Variants in SMIM22 observed in about 807,000 individuals in gnomAD.
SMIM22 encodes small integral membrane protein 22.
In SMIM22, 16 loss-of-function variants were observed where a neutral mutation model predicts 8.4. The ratio of observed to expected loss-of-function variants is 1.90; its 90% CI spans 1.29 to 2.89. The LOEUF (loss-of-function observed/expected upper bound fraction) is 2.89. SMIM22 is among the 30% of genes most tolerant of loss of function. The pLI, the probability that SMIM22 is intolerant of heterozygous loss-of-function variation, is 0.00. For missense variants in SMIM22, 159 were observed against 107.5 expected (o/e 1.48, Z -2.12); for synonymous variants, 67 against 47.6 (o/e 1.41, Z -1.68).
chr16:4,788,542 C>T (rs1275158644), exon 1 of SMIM22: 1 of 152,178 alleles, frequency 6.6e-6, no homozygotes, highest in Non-Finnish European at 1.5e-5. Flanking sequence ...CAGCTGGGCT[C>T]CCACCTCCAA....
At position 4,789,474 on chromosome 16, in the gene SMIM22, T is replaced by C. The variant is rs541817239; in HGVS notation, c.-146+703T>C. On this transcript the variant is annotated intron_variant, in intron 2 of 5. Transcript: ENST00000589327. ...CCGAGTAGCTGGGACTACAGGCGCC[T>C]GCCACCACGCCCGGCTAATTTTTTC... Among the ~76,000 whole-genome samples the C allele has an allele frequency of 9.9e-5, 15 of 152,108 alleles. No individual in the cohort carries two copies. In the South Asian group the frequency reaches 2.3e-3, roughly 23 times the overall value.
Position 4,796,321 on chromosome 16 carries a change from G to A in SMIM22, c.*90G>A. 3.4e-6 allele frequency: 5 copies of A among 1,467,464 alleles called. No individual in the cohort carries two copies. Among genetic ancestry groups the A allele is most frequent in the South Asian group, 1.3e-5 (1 of 77,388 alleles). The allele number at this position is 1,467,464 out of a possible 1,614,324, so 90.9% of individuals were successfully genotyped here. A position where few individuals can be genotyped will look rare whatever the true frequency, so the allele number is the denominator to read the frequency against. The stretch of plus-strand genomic sequence containing the variant: ...TGTCTTCCAGTCCCCGTCTGGGTGG[G>A]TGACGCGGGACTCGCCGCCCCACTC... On this transcript the variant is annotated 3_prime_UTR_variant, in exon 4 of 4. Coordinates refer to ENST00000586005, the MANE Select transcript of SMIM22 (RefSeq NM_001253794.2).
At chr16:4,796,106 G>C in intron 3 of SMIM22, 58 bp downstream of exon 3, 1 of 1,536,066 alleles carries the variant, frequency 6.5e-7, no homozygotes, top group Non-Finnish European at 8.7e-7. Flanking sequence ...GGAGGCGGAA[G>C]GTGAGGGGAG....
intron 2 of SMIM22, among the ~76,000 whole-genome samples, chr16:4,789,508 A>T (rs543962210): frequency 6.6e-6 from 1 of 151,804 alleles, no homozygotes; most frequent in South Asian, 2.1e-4. Context: ...TCCTATTTTT[A>T]GTAGAGACTG....
At position 4,796,282 on chromosome 16, in the gene SMIM22, G is replaced by A; in HGVS notation, c.*51G>A. ...TAACAAAGCCTTCTGTCTGCCCAGA[G>A]CCTGAGTCTGCAGTGTCTTCCAGTC... On this transcript the variant is annotated 3_prime_UTR_variant, in exon 4 of 4. Transcript: ENST00000586005. 2 of 1,529,598 alleles carry A rather than the reference G, an allele frequency of 1.3e-6. No homozygotes were observed. Among genetic ancestry groups the A allele is most frequent in the Non-Finnish European group, 1.7e-6 (2 of 1,142,926 alleles). 94.8% of individuals were successfully genotyped at this position (1,529,598 alleles called of 1,614,324 possible).
chr16:4,789,913 C>CT (rs200769927), intron 2 of SMIM22: 1,466 of 144,400 alleles, frequency 0.01, 28 homozygotes, highest in African/African-American at 0.032. Context: ...TCTTTTCTTT[C>CT]TTTTTTTTTT....
At chr16:4,792,266 C>G (rs1157235381), upstream of SMIM22, among the ~76,000 whole-genome samples, 1 of 151,656 alleles carries the variant, frequency 6.6e-6, no homozygotes, top group Non-Finnish European at 1.5e-5. Flanking sequence ...TCTCGGCTCA[C>G]TGCAAGCTCC....
intron 2 of SMIM22, among the ~76,000 whole-genome samples, chr16:4,789,645 G>A (rs1040431605): frequency 1.3e-5 from 2 of 152,006 alleles, no homozygotes; most frequent in African/African-American, 4.8e-5. Flanking sequence ...ATTTTTTTGA[G>A]ACACGGTCTC....
At chr16:4,793,537 G>A (rs2082586453), upstream of SMIM22, among the ~76,000 whole-genome samples, 1 of 152,156 alleles carries the variant, frequency 6.6e-6, no homozygotes, top group Admixed American at 6.6e-5. Flanking sequence ...TCGATGCAGA[G>A]CCCCACATTA....
At chr16:4,794,987 G>A (rs1207181394), upstream of SMIM22, 1 of 152,366 alleles carries the variant, frequency 6.6e-6, no homozygotes, top group African/African-American at 2.4e-5. Context: ...GGTACCCACG[G>A]AGGTGCTGGA....
In SMIM22 at chr16:4,796,373, T is replaced by C; in HGVS notation, c.*142T>C. 5 of 941,628 alleles carry C rather than the reference T, an allele frequency of 5.3e-6. No homozygotes were observed. Among genetic ancestry groups the C allele is most frequent in the Non-Finnish European group, 7.9e-6 (5 of 636,122 alleles). The allele number at this position is 941,628 out of a possible 1,614,324, so 58.3% of individuals were successfully genotyped here. ...GGTGGCCACCTGGCCTCTCCAAGCCTTCAGTCAGCACGACTGTGCCAGGTC... is the reference window on the plus strand; with the variant it reads ...GGTGGCCACCTGGCCTCTCCAAGCCCTCAGTCAGCACGACTGTGCCAGGTC... On this transcript the variant is annotated 3_prime_UTR_variant, in exon 4 of 4. Transcript: ENST00000586005.
At position 4,795,763 on chromosome 16, in the gene SMIM22, C is replaced by T. The variant is rs760094778; in HGVS notation, c.29C>T (p.Ala10Val). MAVSTEELE[A>V]TVQEVLGRLK... ...GCTGTGTCCACAGAGGAGCTGGAGG[C>T]CACGGTTCAGGAAGTCCTGGGGAGA... The change falls in exon 2 of 4, where the codon GCC (alanine) becomes GTC (valine). Residue 10 changes from alanine (A) to valine (V), a missense_variant. Transcript: ENST00000586005. The T allele has an allele frequency of 1.0e-5, 16 of 1,535,794 alleles. No individual in the cohort carries two copies. Among genetic ancestry groups the T allele is most frequent in the Middle Eastern group, 3.3e-4 (2 of 5,998 alleles).
At chr16:4,791,468 G>T (rs375853057), upstream of SMIM22, among the ~76,000 whole-genome samples, 1 of 152,094 alleles carries the variant, frequency 6.6e-6, no homozygotes, top group South Asian at 2.1e-4. Flanking sequence ...TCATCCTCAC[G>T]ACACTGGGAG....
chr16:4,793,828 G>C (rs1301763526), upstream of SMIM22, among the ~76,000 whole-genome samples: 2 of 152,180 alleles, frequency 1.3e-5, no homozygotes, highest in East Asian at 1.9e-4. Context: ...CCACGCTAGA[G>C]TGCAGTGGTG....
chr16:4,789,735 A>G (rs1382179307), intron 2 of SMIM22, among the ~76,000 whole-genome samples: 1 of 152,042 alleles, frequency 6.6e-6, no homozygotes, highest in Admixed American at 6.6e-5. Context: ...CTGAGATTAC[A>G]GACGTGAACC....
chr16:4,791,518 A>G (rs1318045088), upstream of SMIM22, among the ~76,000 whole-genome samples: 1 of 152,152 alleles, frequency 6.6e-6, no homozygotes, highest in African/African-American at 2.4e-5. Context: ...ACAGATGAGT[A>G]TACTGAGGCA....
chr16:4,796,379 C>A lies in SMIM22; in HGVS notation c.*148C>A. 3.4e-6 allele frequency: 3 copies of A among 893,028 alleles called. No individual in the cohort carries two copies. Among genetic ancestry groups the A allele is most frequent in the South Asian group, 1.7e-5 (1 of 59,226 alleles). 55.3% of individuals were successfully genotyped at this position (893,028 alleles called of 1,614,324 possible). On this transcript the variant is annotated 3_prime_UTR_variant, in exon 4 of 4. Transcript: ENST00000586005. ...CACCTGGCCTCTCCAAGCCTTCAGT[C>A]AGCACGACTGTGCCAGGTCATCCTC...
chr16:4,793,000 T>G (rs1187058243), upstream of SMIM22, among the ~76,000 whole-genome samples: 1 of 149,164 alleles, frequency 6.7e-6, no homozygotes, highest in African/African-American at 2.5e-5. Flanking sequence ...TCCCAGCTAC[T>G]CAGGAGGCTG....
chr16:4,791,813 G>C (rs914143182), upstream of SMIM22, among the ~76,000 whole-genome samples: 1 of 151,966 alleles, frequency 6.6e-6, no homozygotes, highest in African/African-American at 2.4e-5. Flanking sequence ...TCAGCTTCCC[G>C]AGTAGCTGGG....
Sources: allele counts gnomAD v4.1 joint callset (sites outside exome capture counted in the v4.1 genomes callset), GRCh38; gene constraint gnomAD v4.1.1; transcripts MANE v1.5; gene names NCBI Gene and HGNC (gene_info 2026-07-23, HGNC 2026-07-21).